The following BRD2 variants were observed in gnomAD, a reference collection of about 807,000 sequenced individuals.
The protein encoded by BRD2 is bromodomain containing 2.
BRD2 carries 15 observed loss-of-function variants against 79.1 expected under a neutral mutation model. The observed-to-expected ratio is 0.19, with a 90% confidence interval of 0.13 to 0.29. The LOEUF is 0.29. BRD2 is among the 10% of genes least tolerant of loss of function. The pLI is 1.00. For missense variants in BRD2, 1,053 were observed against 991.3 expected (o/e 1.06, Z -0.84); for synonymous variants, 488 against 358.6 (o/e 1.36, Z -4.08).
At chr6:32,975,285 G>GTGTGTGT (rs1554143939) in intron 3 of BRD2, 99 bp from the exon 4 acceptor site, 328 of 692,676 alleles carry the variant, frequency 4.7e-4, no homozygotes, top group Non-Finnish European at 5.4e-4. Context: ...GCATAGGGGG[G>GTGTGTGT]GTGTGTGTGT....
rs1582879864 is a variant in BRD2 at position 32,971,668 on chromosome 6, T to G, written c.-1231T>G. The G allele has an allele frequency of 4.2e-6, 2 of 479,674 alleles. No homozygotes were observed. Among genetic ancestry groups the G allele is most frequent in the Non-Finnish European group, 3.7e-6 (1 of 271,940 alleles). 29.7% of individuals were successfully genotyped at this position (479,674 alleles called of 1,614,324 possible). On this transcript the variant is annotated 5_prime_UTR_variant, in exon 2 of 13. Transcript: ENST00000374825. The stretch of plus-strand genomic sequence containing the variant: ...GTCTTGCGGCCACACCCCTGGCGGG[T>G]TCAGGCAGGCTACGCCCACGCGACC...
intron 10 of BRD2, 68 bp from the exon 11 acceptor site, chr6:32,979,760 A>G: frequency 7.9e-6 from 12 of 1,521,762 alleles, no homozygotes; most frequent in South Asian, 1.3e-5. Flanking sequence ...TCACTGAATT[A>G]TAACAGTGGG....
At chr6:32,980,158 A>G (rs561229524) in intron 11 of BRD2, 26 bp downstream of exon 11, 7 of 1,598,998 alleles carry the variant, frequency 4.4e-6, no homozygotes, top group South Asian at 1.1e-5. Flanking sequence ...GGTTCATCTC[A>G]TGGTTCTGAG....
At chr6:32,979,323 C>G in intron 10 of BRD2, 1 of 159,908 alleles carries the variant, frequency 6.3e-6, no homozygotes, top group South Asian at 1.6e-4. Flanking sequence ...AGTGATCTGC[C>G]CGCCTTGGCC....
In BRD2 at chr6:32,980,080, G is replaced by C; in HGVS notation, c.2094G>C (p.Glu698Asp). ...FETLKPSTLR[E>D]LERYVLSCLR... ...CACTCAAGCCATCCACACTTAGAGA[G>C]CTTGAGCGCTATGTCCTTTCCTGCC... Residue 698 changes from glutamate (E) to aspartate (D), a missense_variant, in exon 11 of 13, where the codon GAG becomes GAC. Coordinates refer to ENST00000374825, the MANE Select transcript of BRD2 (RefSeq NM_005104.4). 6.2e-7 allele frequency: 1 copy of C among 1,612,898 alleles called. No homozygotes were observed. The highest frequency in any genetic ancestry group is 8.5e-7 in the Non-Finnish European group (1 of 1,180,006).
chr6:32,975,574 T>C, intron 4 of BRD2, 53 bp downstream of exon 4: 2 of 1,586,016 alleles, frequency 1.3e-6, no homozygotes, highest in South Asian at 1.1e-5. Context: ...GTAACTTCTA[T>C]TATTGCTGGA....
At chr6:32,980,192 G>T (rs758320385) in intron 11 of BRD2, 60 bp downstream of exon 11, 69 of 1,579,670 alleles carry the variant, frequency 4.4e-5, no homozygotes, top group Non-Finnish European at 5.6e-5. Flanking sequence ...AGATGGTGGG[G>T]TCTGTTTGCA....
rs1172560622 is a variant in BRD2 at position 32,980,600 on chromosome 6, C to T, written c.2288C>T (p.Ser763Leu). Residue 763 changes from serine (S) to leucine (L), a missense_variant, in exon 13 of 13, where the codon TCA (serine) becomes TTA (leucine). Ser to Leu is a moderately radical substitution (Grantham distance 145). This residue lies in a region of BRD2 where 139 missense variants were observed against 133.2 expected (regional missense o/e 1.04). Coordinates refer to ENST00000374825, the MANE Select transcript of BRD2 (RefSeq NM_005104.4). ...PPKKANEKTE[S>L]SSAQQVAVSR... ...TCTGCAGCGAATGAGAAAACAGAGT[C>T]ATCCTCTGCACAGCAAGTAGCAGTG... 1.2e-5 allele frequency: 20 copies of T among 1,613,028 alleles called. No homozygotes were observed. Among genetic ancestry groups the T allele is most frequent in the Non-Finnish European group, 1.6e-5 (19 of 1,180,052 alleles).
At position 32,975,369 on chromosome 6, in the gene BRD2, CA is replaced by C. The variant is rs1778602533; in HGVS notation, c.334-14del. The C allele has an allele frequency of 6.3e-7, 1 of 1,593,570 alleles. No homozygotes were observed. The highest frequency in any genetic ancestry group is 8.6e-7 in the Non-Finnish European group (1 of 1,165,990). On this transcript the variant is annotated splice_polypyrimidine_tract_variant and intron_variant, in intron 3 of 12. Coordinates refer to ENST00000374825, the MANE Select transcript of BRD2 (RefSeq NM_005104.4). ...TTATTTTTCTGTGGTTCTGACCTAA[CA>C]TTTTTTTATTTAGGATTATCACAAA... is the stretch of plus-strand genomic sequence containing the variant.
At chr6:32,978,070 C>T (rs945100198) in intron 9 of BRD2, 56 bp from the exon 10 acceptor site, 25 of 1,491,352 alleles carry the variant, frequency 1.7e-5, no homozygotes, top group Admixed American at 3.9e-5. Flanking sequence ...CTCATTTTTT[C>T]TTCTTGTTAT....
intron 1 of BRD2, 114 bp from the exon 2 acceptor site, chr6:32,971,471 CACTGTTTTAG>C (rs1476223366): frequency 2.5e-6 from 1 of 404,128 alleles, no homozygotes; most frequent in East Asian, 3.6e-5. Context: ...ACTCTGGCAA[CACTGTTTTAG>C]ACTGTGGGGC....
rs1779439153 is a variant in BRD2 at position 32,980,776 on chromosome 6, G to GCCCCACCTGCCCCTT, written c.*63_*77dup. The GCCCCACCTGCCCCTT allele has an allele frequency of 6.3e-7, 1 of 1,581,386 alleles. No individual in the cohort carries two copies. Among genetic ancestry groups the GCCCCACCTGCCCCTT allele is most frequent in the Non-Finnish European group, 8.6e-7 (1 of 1,156,598 alleles). The stretch of plus-strand genomic sequence containing the variant: ...CAGGACCGGACCCCTAGACCACCCT[G>GCCCCACCTGCCCCTT]CCCCACCTGCCCCTTCCCCCTTTGC... On this transcript the variant is annotated 3_prime_UTR_variant, in exon 13 of 13. Coordinates refer to ENST00000374825, the MANE Select transcript of BRD2 (RefSeq NM_005104.4).
chr6:32,979,620 T>A (rs1779264335), intron 10 of BRD2: 1 of 575,140 alleles, frequency 1.7e-6, no homozygotes, highest in African/African-American at 2.0e-5. Flanking sequence ...ATTGTCTTTT[T>A]AAAGACATGT....
rs72865894 is a variant in BRD2, at chr6:32,978,671, C to T, written c.1841+283C>T. Reference sequence around the variant, plus strand: ...ATGCAGCCTGGATATGTACCATGCGCACTTCACAGTAGGGTTCATGCTTCT... The same window carrying T: ...ATGCAGCCTGGATATGTACCATGCGTACTTCACAGTAGGGTTCATGCTTCT... On this transcript the variant is annotated intron_variant, in intron 10 of 12. Coordinates refer to ENST00000374825, the MANE Select transcript of BRD2 (RefSeq NM_005104.4). 4,839 of 540,732 alleles carry T rather than the reference C, an allele frequency of 8.9e-3. 29 individuals carry two copies. The highest frequency in any genetic ancestry group is 0.013 in the Non-Finnish European group (3,890 of 306,632). The allele number at this position is 540,732 out of a possible 1,614,324, so 33.5% of individuals were successfully genotyped here.
rs1408569785 is a variant in BRD2, at chr6:32,975,387, T to A, written c.337T>A (p.Tyr113Asn). 1 of 1,604,640 alleles carries A rather than the reference T, an allele frequency of 6.2e-7. No homozygotes were observed. The highest frequency in any genetic ancestry group is 8.5e-7 in the Non-Finnish European group (1 of 1,174,170). ...GACCTAACATTTTTTTATTTAGGAT[T>A]ATCACAAAATTATAAAACAGCCTAT... Reference protein sequence around the residue: ...VDAVKLGLPDYHKIIKQPMDM... With the variant: ...VDAVKLGLPDNHKIIKQPMDM... The change falls in exon 4 of 13, where the codon TAT becomes AAT. Residue 113 changes from tyrosine to asparagine, a missense_variant. Physicochemically the swap from Tyr to Asn is moderately radical, Grantham distance 143. Around this residue, in one of 5 missense-constraint regions of BRD2, gnomAD observed 413 missense variants for 335.1 expected, o/e 1.23. Transcript: ENST00000374825.
At chr6:32,978,543 T>C in intron 10 of BRD2, 155 bp downstream of exon 10, 3 of 1,283,924 alleles carry the variant, frequency 2.3e-6, no homozygotes, top group Non-Finnish European at 2.1e-6. Context: ...GGGACCAGTT[T>C]CGTGGAAGAC....
Position 32,972,307 on chromosome 6 carries a change from G to A in BRD2, c.-592G>A, listed in dbSNP as rs753181206. On this transcript the variant is annotated 5_prime_UTR_variant, in exon 2 of 13. Coordinates refer to ENST00000374825, the MANE Select transcript of BRD2 (RefSeq NM_005104.4). Reference sequence around the variant, plus strand: ...CCGCCATTACAATCCACCTCCATCCGCTTGGAAATGGCCTTCGTCCCGGCC... The same window carrying A: ...CCGCCATTACAATCCACCTCCATCCACTTGGAAATGGCCTTCGTCCCGGCC... 7.9e-5 allele frequency: 31 copies of A among 393,438 alleles called. No homozygotes were observed. The highest frequency in any genetic ancestry group is 1.5e-4 in the Non-Finnish European group (31 of 206,302). 24.4% of individuals were successfully genotyped at this position (393,438 alleles called of 1,614,324 possible).
rs762551375 is a variant in BRD2 at position 32,978,310 on chromosome 6, A to G, written c.1763A>G (p.Lys588Arg). Residue 588 changes from lysine to arginine, a missense_variant, in exon 10 of 13, where the codon AAG becomes AGG. Physicochemically the swap from Lys to Arg is conservative, Grantham distance 26. Around this residue, in one of 5 missense-constraint regions of BRD2, gnomAD observed 454 missense variants for 430.5 expected, o/e 1.05. Transcript: ENST00000374825. Reference sequence around the variant, plus strand: ...CGCCCACCTCAACCTAAGAAGTCCAAGAAAGCAAGTGGCAGTGGGGGTGGC... The same window carrying G: ...CGCCCACCTCAACCTAAGAAGTCCAGGAAAGCAAGTGGCAGTGGGGGTGGC... ...APRPPQPKKSKKASGSGGGSA... is the reference protein window; with the variant it reads ...APRPPQPKKSRKASGSGGGSA... The G allele has an allele frequency of 9.9e-6, 16 of 1,612,986 alleles. No homozygotes were observed. The South Asian group carries it at 1.8e-4, about 18-fold the overall frequency.
At chr6:32,969,372 C>T in intron 1 of BRD2, 1 of 716,586 alleles carries the variant, frequency 1.4e-6, no homozygotes, top group Admixed American at 2.0e-5. Context: ...GATCCATCGG[C>T]GGCCGAGGGA....
Sources: gnomAD v4.1 joint callset for allele counts on GRCh38, gnomAD v4.1.1 for gene constraint, gnomAD v4.1.1 regional missense constraint, MANE v1.5 for transcripts, NCBI Gene and HGNC (gene_info 2026-07-23, HGNC 2026-07-21) for gene names.